Variants in KAZN observed in about 807,000 individuals in gnomAD.
The protein encoded by KAZN is kazrin, periplakin interacting protein, also known as kazrin.
KAZN carries 40 observed loss-of-function variants against 87.4 expected under a neutral mutation model. That is an observed-to-expected ratio of 0.46 (90% CI 0.36 to 0.60). The LOEUF is 0.60. KAZN is among the 20% of genes least tolerant of loss of function. The probability of loss-of-function intolerance (pLI) is 0.00; values close to 1 mark genes in which losing one functional copy is unlikely to be tolerated. For synonymous variants in KAZN, 466 were observed against 458.3 expected, an observed-to-expected ratio of 1.02 and a Z score of -0.22; for missense variants, 898 against 1,073.9, an observed-to-expected ratio of 0.84 and a Z score of 2.29.
chr1:14,045,011 G>A lies in KAZN; in HGVS notation c.92-135424G>A, dbSNP rs150462656. ...GCTATGAGAACCCTGAGCCACTCAG[G>A]GAGGTCGTAGAGGATGAGATGCAAT... is the stretch of plus-strand genomic sequence containing the variant. On this transcript the variant is annotated intron_variant, in intron 1 of 16. Coordinates refer to the KAZN transcript ENST00000636203. Among the ~76,000 whole-genome samples, 1,364 of 152,258 alleles carry A rather than the reference G, an allele frequency of 9.0e-3. 11 individuals carry two copies. Among genetic ancestry groups the A allele is most frequent in the Non-Finnish European group, 0.014 (953 of 68,030 alleles).
At chr1:14,871,990 G>T (rs1652195178) in intron 1 of KAZN, among the ~76,000 whole-genome samples, 2 of 152,134 alleles carry the variant, frequency 1.3e-5, no homozygotes, top group African/African-American at 4.8e-5. Flanking sequence ...ACCAGAAGAA[G>T]GGGGCATGAA....
intron 2 of KAZN, among the ~76,000 whole-genome samples, chr1:14,563,873 C>CTTTTTTTTTTTTTTTTTT: frequency 2.4e-5 from 1 of 42,490 alleles, no homozygotes. Context: ...GGTTCAAACT[C>CTTTTTTTTTTTTTTTTTT]CTTTTTTTTT....
chr1:14,136,696 T>A (rs1645116124), intron 1 of KAZN, among the ~76,000 whole-genome samples: 3 of 152,258 alleles, frequency 2.0e-5, no homozygotes, highest in South Asian at 4.2e-4. Flanking sequence ...ATGTGGCTTC[T>A]CCCCAGCTGC....
chr1:14,683,649 G>A (rs902650446), intron 1 of KAZN, among the ~76,000 whole-genome samples: 1 of 152,170 alleles, frequency 6.6e-6, no homozygotes, highest in Non-Finnish European at 1.5e-5. Context: ...CTCTGTTAAA[G>A]CAGGGACTGT....
intron 1 of KAZN, among the ~76,000 whole-genome samples, chr1:14,767,817 T>C (rs556958361): frequency 2.0e-5 from 3 of 152,308 alleles, no homozygotes; most frequent in African/African-American, 4.8e-5. Context: ...GCCTTAACAG[T>C]TGATGTCTGA....
intron 1 of KAZN, among the ~76,000 whole-genome samples, chr1:14,040,242 T>A (rs1279420213): frequency 6.6e-6 from 1 of 152,120 alleles, no homozygotes; most frequent in Non-Finnish European, 1.5e-5. Context: ...CATTTACATC[T>A]GACCTTTTCA....
chr1:14,698,771 T>G (rs1020117755), intron 1 of KAZN, among the ~76,000 whole-genome samples: 2 of 152,174 alleles, frequency 1.3e-5, no homozygotes, highest in Non-Finnish European at 2.9e-5. Flanking sequence ...ATTAAAAGCA[T>G]GGGTGGGAAA....
At chr1:15,091,686 C>G (rs1175907805) in intron 8 of KAZN, among the ~76,000 whole-genome samples, 3 of 152,208 alleles carry the variant, frequency 2.0e-5, no homozygotes, top group Middle Eastern at 3.2e-3. Flanking sequence ...GGATGTTTTC[C>G]CGTGACAGGA....
At position 14,532,723 on chromosome 1, in the gene KAZN, G is replaced by A. The variant is rs185333977; in HGVS notation, c.250-66260G>A. On this transcript the variant is annotated intron_variant, in intron 2 of 16. Coordinates refer to the KAZN transcript ENST00000636203. The stretch of plus-strand genomic sequence containing the variant: ...CTATGAGTGAGAACATGCAGTGTTT[G>A]GTTTTTTTGTCCTTGTGATAGTTTG... Among the ~76,000 whole-genome samples the A allele has an allele frequency of 1.1e-4, 16 of 147,264 alleles. No homozygotes were observed. In the East Asian group the frequency reaches 3.2e-3, roughly 30 times the overall value.
chr1:14,776,861 G>A (rs577530042), intron 1 of KAZN, among the ~76,000 whole-genome samples: 17 of 150,884 alleles, frequency 1.1e-4, no homozygotes, highest in South Asian at 1.0e-3. Context: ...ATTTGAGTCC[G>A]GGACAATGAG....
chr1:13,995,822 G>A (rs1229357145), intron 1 of KAZN, among the ~76,000 whole-genome samples: 4 of 152,324 alleles, frequency 2.6e-5, no homozygotes, highest in Admixed American at 2.0e-4. Flanking sequence ...GGGACCTTGT[G>A]ATCATGTCTC....
At chr1:15,090,261 T>C (rs979119356) in intron 8 of KAZN, among the ~76,000 whole-genome samples, 31 of 152,192 alleles carry the variant, frequency 2.0e-4, no homozygotes, top group African/African-American at 7.5e-4. Flanking sequence ...TTTGGCCACA[T>C]ATCACCTCTC....
intron 1 of KAZN, among the ~76,000 whole-genome samples, chr1:14,620,308 T>G (rs1678591688): frequency 6.6e-6 from 1 of 152,226 alleles, no homozygotes; most frequent in African/African-American, 2.4e-5. Flanking sequence ...ATCACCCATT[T>G]CTGAAAGTTG....
chr1:14,722,187 G>A (rs1643150975), intron 1 of KAZN, among the ~76,000 whole-genome samples: 1 of 151,846 alleles, frequency 6.6e-6, no homozygotes, highest in South Asian at 2.1e-4. Context: ...AAATGGTGAG[G>A]ATTGATCCAC....
At chr1:15,020,293 A>G (rs1670538036) in intron 2 of KAZN, among the ~76,000 whole-genome samples, 1 of 152,198 alleles carries the variant, frequency 6.6e-6, no homozygotes, top group Non-Finnish European at 1.5e-5. Flanking sequence ...AAAGGATCAC[A>G]TAATACTCAC....
intron 2 of KAZN, among the ~76,000 whole-genome samples, chr1:14,415,815 C>A (rs1039193425): frequency 3.3e-5 from 5 of 151,986 alleles, no homozygotes; most frequent in African/African-American, 1.2e-4. Context: ...CCCCAAAGAA[C>A]CCCTTGTGCT....
chr1:15,038,233 A>G (rs916781458), intron 3 of KAZN, among the ~76,000 whole-genome samples: 1 of 152,130 alleles, frequency 6.6e-6, no homozygotes, highest in Admixed American at 6.5e-5. Context: ...CAGCCTGGGC[A>G]ACAGAATGAG....
chr1:14,240,463 G>A (rs1279772311), intron 2 of KAZN, among the ~76,000 whole-genome samples: 1 of 152,222 alleles, frequency 6.6e-6, no homozygotes, highest in Non-Finnish European at 1.5e-5. Context: ...GGTCACACCA[G>A]GGGGCCTTGC....
intron 2 of KAZN, among the ~76,000 whole-genome samples, chr1:14,276,772 AG>A (rs796115637): frequency 1.1e-4 from 17 of 152,352 alleles, no homozygotes; most frequent in African/African-American, 4.1e-4. Context: ...TCACATTCAC[AG>A]GTACTAGAGG....
Sources: allele counts gnomAD v4.1 joint callset (sites outside exome capture counted in the v4.1 genomes callset), GRCh38; gene constraint gnomAD v4.1.1; transcripts MANE v1.5; gene names NCBI Gene and HGNC (gene_info 2026-07-23, HGNC 2026-07-21).